The following NIPAL2 variants were observed in gnomAD, a reference collection of about 807,000 sequenced individuals.
NIPAL2 encodes NIPA-like protein 2.
NIPAL2 carries 43 observed loss-of-function variants against 48.9 expected under a neutral mutation model. That is an observed-to-expected ratio of 0.88 (90% CI 0.69 to 1.13). The LOEUF is 1.13. Among genes scored for constraint, NIPAL2 ranks in the 50% most tolerant of loss-of-function variants. NIPAL2 has a pLI of 0.00. For missense variants in NIPAL2, 446 were observed against 461.4 expected (o/e 0.97, Z 0.31); for synonymous variants, 167 against 174.6 (o/e 0.96, Z 0.34).
intron 5 of NIPAL2, among the ~76,000 whole-genome samples, chr8:98,215,736 G>A (rs534614796): frequency 2.4e-4 from 36 of 152,188 alleles, no homozygotes; most frequent in Admixed American, 1.8e-3. Flanking sequence ...GTATTAGGTT[G>A]GTGGGTTGGT....
chr8:98,293,100 A>C (rs1816576988), intron 1 of NIPAL2, among the ~76,000 whole-genome samples: 1 of 152,258 alleles, frequency 6.6e-6, no homozygotes, highest in Admixed American at 6.5e-5. Context: ...AAAGGAATCC[A>C]GATCTTTGAT....
chr8:98,249,186 G>A (rs1813441528), intron 3 of NIPAL2, among the ~76,000 whole-genome samples: 1 of 152,214 alleles, frequency 6.6e-6, no homozygotes, highest in Non-Finnish European at 1.5e-5. Flanking sequence ...CTACACTAAT[G>A]AAACCTGTGT....
intron 1 of NIPAL2, among the ~76,000 whole-genome samples, chr8:98,271,711 A>C (rs28462321): frequency 0.022 from 3,264 of 151,570 alleles, 100 homozygotes; most frequent in African/African-American, 0.075. Context: ...ATTGCTGTGG[A>C]TAGGACTTTT....
chr8:98,213,633 A>G (rs375805401), intron 5 of NIPAL2, among the ~76,000 whole-genome samples: 40 of 152,014 alleles, frequency 2.6e-4, no homozygotes, highest in African/African-American at 7.7e-4. Context: ...GTTCTTTGCA[A>G]TCTTCAGATT....
intron 1 of NIPAL2, among the ~76,000 whole-genome samples, chr8:98,283,334 G>C (rs1465737646): frequency 6.6e-6 from 1 of 152,070 alleles, no homozygotes; most frequent in Non-Finnish European, 1.5e-5. Context: ...ACCCTTTGAG[G>C]GCTTTTAACA....
At chr8:98,256,937 A>G (rs1813931332) in intron 1 of NIPAL2, among the ~76,000 whole-genome samples, 1 of 152,220 alleles carries the variant, frequency 6.6e-6, no homozygotes, top group South Asian at 2.1e-4. Context: ...AACAACATAG[A>G]GTACATATAT....
chr8:98,237,094 G>A (rs1812757037), intron 3 of NIPAL2, among the ~76,000 whole-genome samples: 1 of 151,732 alleles, frequency 6.6e-6, no homozygotes, highest in African/African-American at 2.4e-5. Context: ...AGGGTTTTGC[G>A]CTGTTGCCCA....
intron 1 of NIPAL2, among the ~76,000 whole-genome samples, chr8:98,279,603 C>T (rs1448805080): frequency 6.6e-6 from 1 of 152,198 alleles, no homozygotes; most frequent in African/African-American, 2.4e-5. Flanking sequence ...AGCTAGATAG[C>T]AGCCAAATTT....
intron 1 of NIPAL2, among the ~76,000 whole-genome samples, chr8:98,259,064 A>T (rs1405070277): frequency 2.7e-5 from 3 of 111,664 alleles, no homozygotes; most frequent in Non-Finnish European, 5.2e-5. Flanking sequence ...GTTCCTTTAA[A>T]TATTCCTTTT....
chr8:98,265,555 A>G lies in NIPAL2; in HGVS notation c.136-11468T>C, dbSNP rs372621376. 2.8e-4 allele frequency among the ~76,000 whole-genome samples: 35 copies of G among 126,534 alleles called. 2 individuals are homozygous for G. In the East Asian group the frequency reaches 5.1e-3, roughly 19 times the overall value. 83.0% of individuals were successfully genotyped at this position (126,534 alleles called of 152,430 possible). A position where few individuals can be genotyped will look rare whatever the true frequency, so the allele number is the denominator to read the frequency against. ...AATGCTCATCATCACTGGCCATCAG[A>G]GAAATGCAAATCAAAACCACAATGA... On this transcript the variant is annotated intron_variant, in intron 1 of 10. Transcript: ENST00000430223.
In NIPAL2 at chr8:98,217,822, C is replaced by T. The variant is rs78018871; in HGVS notation, c.558+4657G>A. Among the ~76,000 whole-genome samples the T allele has an allele frequency of 2.0e-4, 30 of 152,246 alleles. No homozygotes were observed. The East Asian group carries it at 5.2e-3, about 26-fold the overall frequency. ...CATTTTTCTCTGTGGCATTTACTTT[C>T]AAATATACTTTCTTTATCTTAATAT... On this transcript the variant is annotated intron_variant, in intron 5 of 10. Coordinates refer to ENST00000430223, the MANE Select transcript of NIPAL2 (RefSeq NM_001321635.2).
chr8:98,215,972 T>C (rs1490126209), intron 5 of NIPAL2, among the ~76,000 whole-genome samples: 1 of 152,138 alleles, frequency 6.6e-6, no homozygotes, highest in South Asian at 2.1e-4. Context: ...GCAAAAGAGA[T>C]AGACAAAATT....
chr8:98,262,174 A>G (rs1471006906), intron 1 of NIPAL2, among the ~76,000 whole-genome samples: 3 of 150,318 alleles, frequency 2.0e-5, no homozygotes, highest in Non-Finnish European at 4.5e-5. Context: ...CTGCAAAATC[A>G]TGCCAAAATG....
At chr8:98,195,789 G>T in intron 9 of NIPAL2, 153 bp downstream of exon 9, 1 of 558,810 alleles carries the variant, frequency 1.8e-6, no homozygotes, top group Non-Finnish European at 3.2e-6. Context: ...CCTGTTTAGG[G>T]CCTTAAGTTA....
At chr8:98,253,946 C>A in intron 2 of NIPAL2, 73 bp downstream of exon 2, 2 of 894,760 alleles carry the variant, frequency 2.2e-6, no homozygotes, top group South Asian at 3.8e-5. Flanking sequence ...GACAAAAGTG[C>A]CCAATGCCCA....
At chr8:98,199,461 C>T (rs1221243527) in intron 8 of NIPAL2, among the ~76,000 whole-genome samples, 1 of 151,932 alleles carries the variant, frequency 6.6e-6, no homozygotes, top group East Asian at 1.9e-4. Context: ...ATAATATAGT[C>T]AGATTTCAAT....
chr8:98,285,610 A>G (rs1489149673), intron 1 of NIPAL2, among the ~76,000 whole-genome samples: 1 of 152,154 alleles, frequency 6.6e-6, no homozygotes, highest in Non-Finnish European at 1.5e-5. Context: ...AGCATTCACC[A>G]TATTTTTAAA....
At chr8:98,276,385 G>A (rs2130889466) in intron 1 of NIPAL2, among the ~76,000 whole-genome samples, 1 of 152,236 alleles carries the variant, frequency 6.6e-6, no homozygotes, top group South Asian at 2.1e-4. Context: ...TTAGTAATAT[G>A]CATTTCAACT....
intron 6 of NIPAL2, among the ~76,000 whole-genome samples, chr8:98,208,412 C>A (rs1186476551): frequency 2.6e-5 from 4 of 152,066 alleles, no homozygotes; most frequent in Non-Finnish European, 5.9e-5. Context: ...GAAGGACTTC[C>A]TGGCCTTCCT....
Sources: gnomAD v4.1 joint callset for allele counts (sites outside exome capture counted in the v4.1 genomes callset) on GRCh38, gnomAD v4.1.1 for gene constraint, MANE v1.5 for transcripts, NCBI Gene and HGNC (gene_info 2026-07-23, HGNC 2026-07-21) for gene names.